FILIP1L: variants seen among roughly 807,000 people sequenced by gnomAD.
The protein encoded by FILIP1L is filamin A interacting protein 1 like, also known as filamin A-interacting protein 1-like.
A neutral mutation model predicts 96.6 loss-of-function variants in FILIP1L; 55 were observed. The ratio of observed to expected loss-of-function variants is 0.57; its 90% CI spans 0.46 to 0.71. The LOEUF (loss-of-function observed/expected upper bound fraction) is 0.71, where lower values mean the gene tolerates loss of function less well. FILIP1L is among the 30% of genes least tolerant of loss of function. FILIP1L has a pLI of 0.00. For synonymous variants in FILIP1L, 467 were observed against 473.9 expected, an observed-to-expected ratio of 0.99 and a Z score of 0.19; for missense variants, 1,304 against 1,321.2, an observed-to-expected ratio of 0.99 and a Z score of 0.20.
chr3:99,844,219 A>G (rs1051443338), intron 5 of FILIP1L, among the ~76,000 whole-genome samples: 22 of 152,206 alleles, frequency 1.4e-4, no homozygotes, highest in African/African-American at 5.3e-4. Flanking sequence ...ATTAACCAGC[A>G]GAAGAGTTTG....
At chr3:100,018,608 A>G (rs1222322848) in intron 1 of FILIP1L, among the ~76,000 whole-genome samples, 3 of 152,148 alleles carry the variant, frequency 2.0e-5, no homozygotes, top group Admixed American at 6.5e-5. Context: ...TTGCTAGTAG[A>G]AAACAAAAAA....
At chr3:99,959,377 T>A (rs1484638494) in intron 1 of FILIP1L, among the ~76,000 whole-genome samples, 1 of 152,240 alleles carries the variant, frequency 6.6e-6, no homozygotes, top group East Asian at 1.9e-4. Context: ...CTCGAACTCC[T>A]GTCCTCTTGT....
Position 100,098,016 on chromosome 3 carries a change from C to T in FILIP1L, c.-11+16037G>A, listed in dbSNP as rs541555610. Among the ~76,000 whole-genome samples the T allele has an allele frequency of 3.9e-5, 6 of 152,234 alleles. No individual in the cohort carries two copies. The East Asian group carries it at 7.7e-4, about 20-fold the overall frequency. On this transcript the variant is annotated intron_variant, in intron 1 of 5. Coordinates refer to ENST00000477258, the MANE Select transcript of FILIP1L (RefSeq NM_001387850.1). ...TGTTTAGCTAGGCATAGTAATGGTA[C>T]GTGCCACATTGCTATTTGAAAAATC...
intron 1 of FILIP1L, among the ~76,000 whole-genome samples, chr3:99,942,667 A>G (rs1348123021): frequency 6.6e-6 from 1 of 152,112 alleles, no homozygotes; most frequent in East Asian, 1.9e-4. Flanking sequence ...CCCCGTCTCT[A>G]CTAAAAATAT....
At chr3:99,876,318 G>T in intron 4 of FILIP1L, 1 of 538,870 alleles carries the variant, frequency 1.9e-6, no homozygotes, top group Non-Finnish European at 2.4e-6. Context: ...ACACACCCCA[G>T]CTCCCGCGGA....
intron 1 of FILIP1L, among the ~76,000 whole-genome samples, chr3:99,950,347 G>A: frequency 6.6e-6 from 1 of 152,144 alleles, no homozygotes; most frequent in East Asian, 1.9e-4. Context: ...TAACAATTCT[G>A]TGATGGATGC....
intron 1 of FILIP1L, among the ~76,000 whole-genome samples, chr3:100,071,124 A>G (rs1017820798): frequency 1.8e-4 from 16 of 90,002 alleles, no homozygotes; most frequent in African/African-American, 5.7e-4. Flanking sequence ...ATGGATTAGC[A>G]TTTCCAAACT....
At chr3:99,997,177 A>G (rs986571795) in intron 1 of FILIP1L, among the ~76,000 whole-genome samples, 1 of 152,182 alleles carries the variant, frequency 6.6e-6, no homozygotes, top group African/African-American at 2.4e-5. Context: ...CAAAATGAAA[A>G]GTTGGTTCTT....
chr3:100,068,392 T>G (rs947414116), intron 1 of FILIP1L, among the ~76,000 whole-genome samples: 1 of 151,302 alleles, frequency 6.6e-6, no homozygotes, highest in African/African-American at 2.4e-5. Context: ...GTCAGAGAGA[T>G]ATAGTATCTT....
In FILIP1L at chr3:100,080,327, A is replaced by G. The variant is rs192223943; in HGVS notation, c.-11+33726T>C. Among the ~76,000 whole-genome samples, 10 of 152,188 alleles carry G rather than the reference A, an allele frequency of 6.6e-5. No homozygotes were observed. In the East Asian group the frequency reaches 1.7e-3, roughly 26 times the overall value. ...TCATAACCTAGCTAAGAGGGGGAAA[A>G]AAAAATTTAATAACTCTAGGGTTCT... On this transcript the variant is annotated intron_variant, in intron 1 of 5. Coordinates refer to ENST00000477258, the MANE Select transcript of FILIP1L (RefSeq NM_001387850.1).
intron 1 of FILIP1L, among the ~76,000 whole-genome samples, chr3:100,074,675 ATTTTTTTTTTTTTTTTTTTTTT>A (rs555819875): frequency 2.9e-5 from 1 of 34,782 alleles, no homozygotes; most frequent in East Asian, 1.1e-3. Context: ...GCAACATTTG[ATTTTTTTTTTTTTTTTTTTTTT>A]TTTTTTTTTT....
intron 1 of FILIP1L, among the ~76,000 whole-genome samples, chr3:99,971,451 T>C (rs1576610365): frequency 6.6e-6 from 1 of 152,168 alleles, no homozygotes; most frequent in South Asian, 2.1e-4. Context: ...ATGTTGAATA[T>C]GAGATGTCTG....
chr3:99,937,039 G>A (rs1707700166), intron 1 of FILIP1L, among the ~76,000 whole-genome samples: 1 of 152,170 alleles, frequency 6.6e-6, no homozygotes, highest in Admixed American at 6.5e-5. Context: ...CAGAGTTCAA[G>A]CAATTTTCCT....
At chr3:100,034,658 G>C (rs1290725133) in intron 1 of FILIP1L, among the ~76,000 whole-genome samples, 2 of 152,164 alleles carry the variant, frequency 1.3e-5, no homozygotes, top group Non-Finnish European at 2.9e-5. Context: ...TAGTATTTAG[G>C]TAAGACAGTG....
chr3:99,916,437 T>TACACACACACACAC (rs10529210), intron 4 of FILIP1L, among the ~76,000 whole-genome samples: 251 of 137,166 alleles, frequency 1.8e-3, no homozygotes, highest in African/African-American at 6.4e-3. Flanking sequence ...TAACGGTTTA[T>TACACACACACACAC]ACACACACAC....
chr3:99,844,689 T>G lies in FILIP1L; in HGVS notation c.3381+3606A>C, dbSNP rs144399979. Among the ~76,000 whole-genome samples the G allele has an allele frequency of 4.0e-3, 604 of 152,298 alleles. 4 individuals are homozygous for G. The highest frequency in any genetic ancestry group is 0.013 in the African/African-American group (561 of 41,566). On this transcript the variant is annotated intron_variant, in intron 5 of 5. Coordinates refer to ENST00000477258, the MANE Select transcript of FILIP1L (RefSeq NM_001387850.1). ...TCTCACAGCTCCCCTAATTTTATCC[T>G]TTATGGGTTATGTATGTGGTTTAGC...
chr3:99,998,870 T>C (rs916999381), intron 1 of FILIP1L, among the ~76,000 whole-genome samples: 2 of 152,098 alleles, frequency 1.3e-5, no homozygotes, highest in African/African-American at 4.8e-5. Flanking sequence ...CGCCCGGCCA[T>C]GGTTCTTAAA....
chr3:100,063,812 T>G (rs955967749), intron 1 of FILIP1L, among the ~76,000 whole-genome samples: 1 of 152,220 alleles, frequency 6.6e-6, no homozygotes, highest in Non-Finnish European at 1.5e-5. Context: ...TTAAAGCATC[T>G]AATTTCTTCT....
chr3:99,903,205 G>A (rs529241863), intron 4 of FILIP1L, among the ~76,000 whole-genome samples: 19 of 151,618 alleles, frequency 1.3e-4, no homozygotes, highest in African/African-American at 3.9e-4. Flanking sequence ...TAGCTGGCAC[G>A]TCATAAATCT....
Sources: gnomAD v4.1 joint callset for allele counts (sites outside exome capture counted in the v4.1 genomes callset) on GRCh38, gnomAD v4.1.1 for gene constraint, MANE v1.5 for transcripts, NCBI Gene and HGNC (gene_info 2026-07-23, HGNC 2026-07-21) for gene names.